Variants in NELL1 observed in about 807,000 individuals in gnomAD.
NELL1 encodes protein kinase C-binding protein NELL1.
Under a neutral mutation model 107.4 loss-of-function variants are expected in NELL1, and 76 were observed. The observed-to-expected ratio is 0.71, with a 90% CI of 0.59 to 0.86. The LOEUF is 0.86. NELL1 is among the 40% of genes least tolerant of loss of function. The pLI is 0.00. For missense variants in NELL1, 1,024 were observed against 1,005.5 expected, an observed-to-expected ratio of 1.02 and a Z score of -0.25; for synonymous variants, 353 against 341.2, an observed-to-expected ratio of 1.03 and a Z score of -0.38.
At chr11:21,149,443 AGCAG>A (rs1244174213) in intron 13 of NELL1, among the ~76,000 whole-genome samples, 1 of 152,232 alleles carries the variant, frequency 6.6e-6, no homozygotes, top group African/African-American at 2.4e-5. Flanking sequence ...TTTACATGGT[AGCAG>A]GCAAGAGAGT....
At chr11:21,534,541 A>C (rs1280040349) in intron 16 of NELL1, 27 bp downstream of exon 16, 2 of 1,612,622 alleles carry the variant, frequency 1.2e-6, no homozygotes, top group Admixed American at 3.3e-5. Context: ...CATGCCCTCC[A>C]ACTGCTTGGA....
At position 20,849,914 on chromosome 11, in the gene NELL1, G is replaced by A. The variant is rs544343575; in HGVS notation, c.506+2161G>A. Among the ~76,000 whole-genome samples, 162 of 152,250 alleles carry A rather than the reference G, an allele frequency of 1.1e-3. 5 individuals carry two copies. The South Asian group carries it at 0.032, about 30-fold the overall frequency. ...CTACTGGATTAGATTCCCCGAGGGC[G>A]GAACCTGAGAAGCAATATTTTTAAC... On this transcript the variant is annotated intron_variant, in intron 4 of 19. Coordinates refer to ENST00000357134, the MANE Select transcript of NELL1 (RefSeq NM_006157.5).
chr11:21,153,931 C>A (rs1379300193), intron 13 of NELL1, among the ~76,000 whole-genome samples: 1 of 152,124 alleles, frequency 6.6e-6, no homozygotes, highest in Admixed American at 6.6e-5. Flanking sequence ...TGGAGACAGC[C>A]ATTGATTAAT....
intron 14 of NELL1, among the ~76,000 whole-genome samples, chr11:21,258,599 C>T (rs1457063964): frequency 6.6e-6 from 1 of 151,838 alleles, no homozygotes. Flanking sequence ...CTATTCAGCC[C>T]TTCAACTGAT....
At chr11:21,358,436 G>C (rs531648544) in intron 14 of NELL1, among the ~76,000 whole-genome samples, 1 of 151,910 alleles carries the variant, frequency 6.6e-6, no homozygotes, top group Non-Finnish European at 1.5e-5. Context: ...GTCTTGCACT[G>C]TCTCCCAGGC....
intron 14 of NELL1, among the ~76,000 whole-genome samples, chr11:21,367,093 G>A (rs1851239424): frequency 6.6e-6 from 1 of 151,902 alleles, no homozygotes; most frequent in Non-Finnish European, 1.5e-5. Flanking sequence ...TCTGTGGATT[G>A]AACCTCTCTC....
chr11:20,842,655 G>A (rs374762044), intron 3 of NELL1, among the ~76,000 whole-genome samples: 1 of 152,148 alleles, frequency 6.6e-6, no homozygotes, highest in African/African-American at 2.4e-5. Context: ...CCCATACAAA[G>A]TTGGGCAAGT....
intron 14 of NELL1, among the ~76,000 whole-genome samples, chr11:21,288,584 T>A (rs1380211618): frequency 6.6e-6 from 1 of 152,236 alleles, no homozygotes; most frequent in Non-Finnish European, 1.5e-5. Context: ...TGACATTGGA[T>A]AAGTTGCTTA....
intron 2 of NELL1, among the ~76,000 whole-genome samples, chr11:20,722,019 CTTTT>C (rs34558225): frequency 3.8e-5 from 1 of 26,016 alleles, no homozygotes; most frequent in Non-Finnish European, 1.8e-4. Flanking sequence ...CTGAGTCTCT[CTTTT>C]TTTTTTTTTT....
At chr11:21,479,071 C>T (rs1854423956) in intron 15 of NELL1, among the ~76,000 whole-genome samples, 1 of 152,110 alleles carries the variant, frequency 6.6e-6, no homozygotes, top group African/African-American at 2.4e-5. Flanking sequence ...GAAAGGAGAA[C>T]CTTCTTTCTC....
At chr11:20,827,058 C>T (rs1857900240) in intron 3 of NELL1, among the ~76,000 whole-genome samples, 1 of 151,056 alleles carries the variant, frequency 6.6e-6, no homozygotes. Flanking sequence ...AAGACACAGC[C>T]CTGGTTTTGC....
chr11:21,342,085 T>C (rs1387864035), intron 14 of NELL1, among the ~76,000 whole-genome samples: 3 of 152,212 alleles, frequency 2.0e-5, no homozygotes, highest in Admixed American at 6.5e-5. Context: ...TTGTCTTCAC[T>C]GTATGTGGAG....
At chr11:21,217,529 A>G (rs1196765221) in intron 13 of NELL1, among the ~76,000 whole-genome samples, 1 of 152,176 alleles carries the variant, frequency 6.6e-6, no homozygotes, top group Non-Finnish European at 1.5e-5. Context: ...GACATAGTAA[A>G]GTGGACTTTT....
At chr11:21,065,300 C>T (rs1217976643) in intron 12 of NELL1, among the ~76,000 whole-genome samples, 1 of 152,050 alleles carries the variant, frequency 6.6e-6, no homozygotes, top group African/African-American at 2.4e-5. Context: ...TTTACCATGT[C>T]CTAGGGTTTG....
In NELL1 at chr11:20,769,909, G is replaced by A. The variant is rs946888661; in HGVS notation, c.185-13771G>A. On this transcript the variant is annotated intron_variant, in intron 2 of 19. Coordinates refer to ENST00000357134, the MANE Select transcript of NELL1 (RefSeq NM_006157.5). ...GTTCAGGGAGCTGAAAAGAATATCT[G>A]TTGTCTAAGTTAGATGATACCCAAG... Among the ~76,000 whole-genome samples the A allele has an allele frequency of 5.3e-5, 8 of 152,142 alleles. No homozygotes were observed. The East Asian group carries it at 1.5e-3, about 29-fold the overall frequency.
At chr11:20,885,334 T>C in intron 4 of NELL1, 110 bp from the exon 5 acceptor site, 1 of 705,514 alleles carries the variant, frequency 1.4e-6, no homozygotes, top group South Asian at 1.6e-5. Flanking sequence ...TGCCACATAT[T>C]GGCTTCTCTT....
intron 13 of NELL1, among the ~76,000 whole-genome samples, chr11:21,175,319 T>C (rs955887593): frequency 2.6e-5 from 4 of 151,806 alleles, no homozygotes; most frequent in African/African-American, 9.7e-5. Context: ...TTCAATTTCA[T>C]GTTTGCTCTC....
chr11:20,772,469 T>C (rs1856659159), intron 2 of NELL1, among the ~76,000 whole-genome samples: 1 of 152,236 alleles, frequency 6.6e-6, no homozygotes, highest in Non-Finnish European at 1.5e-5. Flanking sequence ...CCCATTTAAT[T>C]GGTTTTATGA....
intron 14 of NELL1, among the ~76,000 whole-genome samples, chr11:21,341,352 C>T (rs1032013641): frequency 2.0e-5 from 3 of 152,140 alleles, no homozygotes; most frequent in Admixed American, 2.0e-4. Flanking sequence ...CTGTGTTTTC[C>T]TCATATCACC....
Sources: gnomAD v4.1 joint callset for allele counts (sites outside exome capture counted in the v4.1 genomes callset) on GRCh38, gnomAD v4.1.1 for gene constraint, MANE v1.5 for transcripts, NCBI Gene and HGNC (gene_info 2026-07-23, HGNC 2026-07-21) for gene names.